TCERG1L: variants seen among roughly 807,000 people sequenced by gnomAD.
TCERG1L encodes transcription elongation regulator 1 like.
TCERG1L carries 37 observed loss-of-function variants against 56.3 expected under a neutral mutation model. The observed-to-expected ratio is 0.66, with a 90% CI of 0.51 to 0.87. The LOEUF is 0.87. Ranked by LOEUF, TCERG1L falls within the 40% of genes least tolerant of loss-of-function variation. TCERG1L has a pLI of 0.00. For missense variants in TCERG1L, 799 were observed against 774.2 expected (o/e 1.03, Z -0.38); for synonymous variants, 324 against 326.3 (o/e 0.99, Z 0.08).
chr10:131,307,860 G>C (rs1012452406), intron 3 of TCERG1L, among the ~76,000 whole-genome samples: 1 of 152,086 alleles, frequency 6.6e-6, no homozygotes, highest in Non-Finnish European at 1.5e-5. Context: ...TCGCCACAGA[G>C]AGGCAACATT....
chr10:131,101,502 G>A (rs1301280406), intron 10 of TCERG1L, among the ~76,000 whole-genome samples: 1 of 152,156 alleles, frequency 6.6e-6, no homozygotes, highest in East Asian at 1.9e-4. Context: ...CAAACAAGTT[G>A]GTGGTGGCAC....
At chr10:131,203,759 C>T (rs1360209641) in intron 4 of TCERG1L, among the ~76,000 whole-genome samples, 2 of 152,194 alleles carry the variant, frequency 1.3e-5, no homozygotes, top group Non-Finnish European at 2.9e-5. Context: ...CGCCGGCGAG[C>T]GCTAGCCCTG....
chr10:131,094,973 G>A (rs1040223046), intron 11 of TCERG1L, among the ~76,000 whole-genome samples: 7 of 152,210 alleles, frequency 4.6e-5, no homozygotes, highest in South Asian at 2.1e-4. Flanking sequence ...GGAGCCTCCC[G>A]CTTCCGTGGC....
At chr10:131,289,174 T>C (rs1333150740) in intron 3 of TCERG1L, among the ~76,000 whole-genome samples, 1 of 152,150 alleles carries the variant, frequency 6.6e-6, no homozygotes, top group East Asian at 1.9e-4. Context: ...AGCATCGCCT[T>C]AACACAGGCG....
chr10:131,266,629 T>C (rs1846289055), intron 3 of TCERG1L, among the ~76,000 whole-genome samples: 1 of 152,150 alleles, frequency 6.6e-6, no homozygotes, highest in Non-Finnish European at 1.5e-5. Context: ...TCAGAGGCTC[T>C]CAGCAGAGAG....
At chr10:131,127,816 C>T (rs1845578590) in intron 8 of TCERG1L, among the ~76,000 whole-genome samples, 3 of 152,046 alleles carry the variant, frequency 2.0e-5, no homozygotes, top group Non-Finnish European at 4.4e-5. Context: ...CTGCCCGGGG[C>T]CACTGCTCTT....
chr10:131,110,068 G>A (rs1845395529), intron 9 of TCERG1L, among the ~76,000 whole-genome samples: 1 of 152,208 alleles, frequency 6.6e-6, no homozygotes, highest in Non-Finnish European at 1.5e-5. Flanking sequence ...AGAGTGGACA[G>A]GCACCGGGAG....
At chr10:131,212,688 C>T (rs1789799198) in intron 4 of TCERG1L, among the ~76,000 whole-genome samples, 1 of 152,192 alleles carries the variant, frequency 6.6e-6, no homozygotes, top group Non-Finnish European at 1.5e-5. Context: ...CTCAATTCAA[C>T]CTGAGACTAC....
chr10:131,248,242 TCA>T (rs1272119697), intron 4 of TCERG1L, among the ~76,000 whole-genome samples: 20 of 142,188 alleles, frequency 1.4e-4, no homozygotes, highest in Admixed American at 1.1e-3. Flanking sequence ...CACACACGAC[TCA>T]CACACACTGA....
chr10:131,093,410 A>C, intron 11 of TCERG1L, 92 bp from the exon 12 acceptor site: 5 of 1,490,110 alleles, frequency 3.4e-6, no homozygotes, highest in Non-Finnish European at 4.5e-6. Context: ...GCAAGCATCC[A>C]GCCCTTCCAC....
intron 4 of TCERG1L, among the ~76,000 whole-genome samples, chr10:131,191,493 A>C (rs1232319311): frequency 6.9e-6 from 1 of 143,932 alleles, no homozygotes; most frequent in Non-Finnish European, 1.5e-5. Context: ...ACTATAATAC[A>C]AGACTATAGT....
chr10:131,225,051 G>A (rs1845777552), intron 4 of TCERG1L, among the ~76,000 whole-genome samples: 1 of 152,116 alleles, frequency 6.6e-6, no homozygotes, highest in Non-Finnish European at 1.5e-5. Context: ...GACTGAGAAA[G>A]GCCTGAGTAT....
intron 6 of TCERG1L, among the ~76,000 whole-genome samples, chr10:131,158,905 C>T (rs1023953385): frequency 1.3e-5 from 2 of 152,348 alleles, no homozygotes; most frequent in African/African-American, 2.4e-5. Flanking sequence ...GCTTCCTCTG[C>T]GGCCATGCCT....
In TCERG1L at chr10:131,260,499, C is replaced by T. The variant is rs1415992908; in HGVS notation, c.671-55G>A. On this transcript the variant is annotated intron_variant, in intron 3 of 11. Coordinates refer to ENST00000368642, the MANE Select transcript of TCERG1L (RefSeq NM_174937.4). This position sits in a 1 kb window ranked among gnomAD's most constrained non-coding sequence, Gnocchi z 5.8. ...AGGGGACGACCAGGGCCATGGGTGA[C>T]AGATGCCCATCTCGCTACCGCAAGA... 4.5e-6 allele frequency: 6 copies of T among 1,335,848 alleles called. No homozygotes were observed. The highest frequency in any genetic ancestry group is 1.9e-6 in the Non-Finnish European group (2 of 1,039,642). The allele number at this position is 1,335,848 out of a possible 1,614,324, so 82.7% of individuals were successfully genotyped here.
chr10:131,135,546 A>G (rs1845665924), intron 7 of TCERG1L, among the ~76,000 whole-genome samples: 1 of 152,222 alleles, frequency 6.6e-6, no homozygotes, highest in African/African-American at 2.4e-5. Context: ...AAATCTATTT[A>G]CAGGCTTCTT....
chr10:131,285,429 A>AG (rs1564833809), intron 3 of TCERG1L, among the ~76,000 whole-genome samples: 1,204 of 73,184 alleles, frequency 0.016, 63 homozygotes, highest in African/African-American at 0.052. Context: ...GAGAGAGAGA[A>AG]AGAGAGAAAG....
chr10:131,261,866 T>C (rs1846239686), intron 3 of TCERG1L, among the ~76,000 whole-genome samples: 1 of 151,952 alleles, frequency 6.6e-6, no homozygotes, highest in South Asian at 2.1e-4. Flanking sequence ...GTGACTGGGG[T>C]GGCCAGGAAA....
intron 3 of TCERG1L, among the ~76,000 whole-genome samples, chr10:131,296,422 A>G (rs1262030071): frequency 6.6e-6 from 1 of 152,328 alleles, no homozygotes; most frequent in Middle Eastern, 3.4e-3. Context: ...ATAAAAATCA[A>G]TTGGCCATAC....
chr10:131,257,413 T>C (rs919348370), intron 4 of TCERG1L, among the ~76,000 whole-genome samples: 1 of 152,220 alleles, frequency 6.6e-6, no homozygotes. Context: ...TTATGTGGCA[T>C]CTTAGGTAAG....
Sources: allele counts gnomAD v4.1 joint callset (sites outside exome capture counted in the v4.1 genomes callset), GRCh38; gene constraint gnomAD v4.1.1; non-coding constraint Gnocchi (gnomAD v3.1); transcripts MANE v1.5; gene names NCBI Gene and HGNC (gene_info 2026-07-23, HGNC 2026-07-21).